GALNT1: variants seen among roughly 807,000 people sequenced by gnomAD.
GALNT1 encodes the protein GalNAc transferase 1.
GALNT1 carries 17 observed loss-of-function variants against 65.7 expected under a neutral mutation model. That is an observed-to-expected ratio of 0.26 (90% CI 0.18 to 0.39). The LOEUF is 0.39. Among genes scored for constraint, GALNT1 ranks in the 10% least tolerant of loss-of-function variants. GALNT1 has a pLI of 1.00. For missense variants in GALNT1, 460 were observed against 672.8 expected (o/e 0.68, Z 3.50); for synonymous variants, 210 against 219.7 (o/e 0.96, Z 0.39).
At position 35,668,235 on chromosome 18, in the gene GALNT1, C is replaced by T. The variant is rs189141847; in HGVS notation, c.314+4433C>T. Among the ~76,000 whole-genome samples the T allele has an allele frequency of 3.9e-5, 6 of 152,006 alleles. No individual in the cohort carries two copies. The South Asian group carries it at 6.2e-4, about 16-fold the overall frequency. On this transcript the variant is annotated intron_variant, in intron 3 of 11. Transcript: ENST00000269195. ...GAAATAAAAACGTACAGTAGAGGAA[C>T]AGCAAAGTCAAAAGTTCATGGGAAA...
chr18:35,598,847 A>G (rs1186313305), intron 1 of GALNT1, among the ~76,000 whole-genome samples: 1 of 152,152 alleles, frequency 6.6e-6, no homozygotes, highest in African/African-American at 2.4e-5. Context: ...ATTCCCACCA[A>G]CAGCATATAA....
intron 3 of GALNT1, among the ~76,000 whole-genome samples, chr18:35,672,075 T>G (rs912863200): frequency 1.3e-5 from 2 of 152,264 alleles, no homozygotes; most frequent in African/African-American, 2.4e-5. Context: ...CTCTGCCATT[T>G]ACTGGCTATG....
chr18:35,655,499 CTT>C (rs567720187), intron 2 of GALNT1, among the ~76,000 whole-genome samples: 19 of 124,580 alleles, frequency 1.5e-4, no homozygotes, highest in East Asian at 2.3e-4. Context: ...TTAAAAAATT[CTT>C]TTTTTTTTTT....
intron 1 of GALNT1, among the ~76,000 whole-genome samples, chr18:35,629,658 C>A (rs766555120): frequency 1.3e-5 from 2 of 152,286 alleles, no homozygotes; most frequent in East Asian, 1.9e-4. Flanking sequence ...ACTGCATCAA[C>A]TAACTAGCAA....
intron 11 of GALNT1, among the ~76,000 whole-genome samples, chr18:35,705,682 CTT>C (rs909962286): frequency 2.0e-5 from 3 of 152,120 alleles, no homozygotes; most frequent in Admixed American, 1.3e-4. Context: ...TGAAAAACCT[CTT>C]AAGTTTATTG....
chr18:35,634,182 T>C (rs1356601393), intron 1 of GALNT1, among the ~76,000 whole-genome samples: 3 of 152,190 alleles, frequency 2.0e-5, no homozygotes, highest in African/African-American at 7.2e-5. Flanking sequence ...TCATTTAGTT[T>C]AGTGCAATGG....
At position 35,691,272 on chromosome 18, in the gene GALNT1, A is replaced by G. The variant is rs2047957908; in HGVS notation, c.1159+80A>G. On this transcript the variant is annotated intron_variant, in intron 8 of 11. Coordinates refer to ENST00000269195, the MANE Select transcript of GALNT1 (RefSeq NM_020474.4). ...CTGGAGGAGAAGTAAGAAGGTTAGA[A>G]GTGAAGCTTTGAGCAGAGGTGAACA... 2.3e-6 allele frequency: 3 copies of G among 1,318,210 alleles called. No homozygotes were observed. The East Asian group carries it at 7.1e-5, about 31-fold the overall frequency. The allele number at this position is 1,318,210 out of a possible 1,614,324, so 81.7% of individuals were successfully genotyped here.
At chr18:35,648,656 A>T (rs527470452) in intron 1 of GALNT1, among the ~76,000 whole-genome samples, 1 of 152,220 alleles carries the variant, frequency 6.6e-6, no homozygotes, top group Non-Finnish European at 1.5e-5. Context: ...GTCTTTTGAG[A>T]AAACATAAAA....
chr18:35,630,848 G>A lies in GALNT1; in HGVS notation c.-103-23712G>A, dbSNP rs1478863261. Among the ~76,000 whole-genome samples the A allele has an allele frequency of 2.1e-4, 32 of 152,082 alleles. No homozygotes were observed. In the East Asian group the frequency reaches 4.1e-3, roughly 19 times the overall value. ...GAAAAGAGAGAAGAATCAAATAGAC[G>A]CAATAAAAAATGATGAAGGGGATAT... On this transcript the variant is annotated intron_variant, in intron 1 of 11. Coordinates refer to ENST00000269195, the MANE Select transcript of GALNT1 (RefSeq NM_020474.4).
intron 4 of GALNT1, among the ~76,000 whole-genome samples, chr18:35,679,719 G>C (rs551790824): frequency 4.0e-5 from 6 of 151,104 alleles, no homozygotes; most frequent in Non-Finnish European, 5.9e-5. Context: ...CTTTGTTTTT[G>C]TGGTTATAAT....
intron 1 of GALNT1, among the ~76,000 whole-genome samples, chr18:35,650,967 A>G (rs769523461): frequency 8.5e-5 from 13 of 152,238 alleles, no homozygotes; most frequent in Non-Finnish European, 1.8e-4. Context: ...AGTGTCCAAG[A>G]AATCTTCACA....
At chr18:35,603,813 C>T (rs549005884) in intron 1 of GALNT1, among the ~76,000 whole-genome samples, 34 of 152,268 alleles carry the variant, frequency 2.2e-4, no homozygotes, top group African/African-American at 3.8e-4. Context: ...TAAATTTCCT[C>T]GTGTTTAAGC....
intron 1 of GALNT1, among the ~76,000 whole-genome samples, chr18:35,653,369 A>G (rs1457894883): frequency 6.6e-6 from 1 of 152,232 alleles, no homozygotes; most frequent in African/African-American, 2.4e-5. Context: ...TTTCATGGAT[A>G]AACTACAGGC....
chr18:35,640,804 T>G (rs1202427783), intron 1 of GALNT1, among the ~76,000 whole-genome samples: 1 of 152,206 alleles, frequency 6.6e-6, no homozygotes, highest in Non-Finnish European at 1.5e-5. Context: ...GGTATTACAC[T>G]CCTTTAGAGA....
intron 4 of GALNT1, among the ~76,000 whole-genome samples, chr18:35,677,999 A>C (rs1476508668): frequency 6.6e-6 from 1 of 152,168 alleles, no homozygotes; most frequent in Non-Finnish European, 1.5e-5. Context: ...AAAAGAAATA[A>C]TGCTCTATAA....
chr18:35,672,678 T>A (rs891382057), intron 3 of GALNT1, among the ~76,000 whole-genome samples: 4 of 151,564 alleles, frequency 2.6e-5, no homozygotes, highest in African/African-American at 9.7e-5. Context: ...TTCAGAAGAG[T>A]TAAATAGAAG....
intron 1 of GALNT1, among the ~76,000 whole-genome samples, chr18:35,586,912 G>T (rs1264677697): frequency 6.6e-6 from 1 of 152,138 alleles, no homozygotes; most frequent in East Asian, 1.9e-4. Context: ...ACCTGTATCA[G>T]TATGGAGAAG....
chr18:35,634,113 A>G (rs999174621), intron 1 of GALNT1, among the ~76,000 whole-genome samples: 1 of 152,212 alleles, frequency 6.6e-6, no homozygotes, highest in African/African-American at 2.4e-5. Context: ...CTCTAGAAAT[A>G]ATACCATTTA....
At chr18:35,673,687 C>T (rs1376901535) in intron 3 of GALNT1, among the ~76,000 whole-genome samples, 3 of 152,168 alleles carry the variant, frequency 2.0e-5, no homozygotes, top group Non-Finnish European at 4.4e-5. Flanking sequence ...ATCCTCTTGC[C>T]ACAGCCTTGC....
Sources: allele counts gnomAD v4.1 joint callset (sites outside exome capture counted in the v4.1 genomes callset), GRCh38; gene constraint gnomAD v4.1.1; transcripts MANE v1.5; gene names NCBI Gene and HGNC (gene_info 2026-07-23, HGNC 2026-07-21).